CLVS1: variants seen among roughly 807,000 people sequenced by gnomAD.
CLVS1 encodes clavesin 1.
CLVS1 carries 10 observed loss-of-function variants against 33.1 expected under a neutral mutation model. The ratio of observed to expected loss-of-function variants is 0.30; its 90% CI spans 0.19 to 0.51. CLVS1 has a LOEUF of 0.51. Ranked by LOEUF, CLVS1 falls within the 20% of genes least tolerant of loss-of-function variation. The pLI is 0.97. For missense variants in CLVS1, 343 were observed against 433.4 expected, an observed-to-expected ratio of 0.79 and a Z score of 1.85; for synonymous variants, 163 against 166.1, an observed-to-expected ratio of 0.98 and a Z score of 0.14.
chr8:61,156,495 G>T (rs1022370352), intron 2 of CLVS1, among the ~76,000 whole-genome samples: 1 of 152,072 alleles, frequency 6.6e-6, no homozygotes, highest in African/African-American at 2.4e-5. Flanking sequence ...CACAGGAAAA[G>T]TCCGAACTTT....
chr8:61,415,817 A>G (rs1320027369), intron 3 of CLVS1, among the ~76,000 whole-genome samples: 1 of 152,238 alleles, frequency 6.6e-6, no homozygotes, highest in Non-Finnish European at 1.5e-5. Flanking sequence ...CAAATGGTGC[A>G]CAAGATGATC....
intron 1 of CLVS1, among the ~76,000 whole-genome samples, chr8:61,098,402 G>GATATATATATATATAT (rs59671943): frequency 6.9e-6 from 1 of 143,982 alleles, no homozygotes; most frequent in African/African-American, 2.6e-5. Flanking sequence ...TAGGGAAACT[G>GATATATATATATATAT]ATATATATAT....
At chr8:61,489,532 G>A (rs1803996551) in intron 5 of CLVS1, among the ~76,000 whole-genome samples, 2 of 152,106 alleles carry the variant, frequency 1.3e-5, no homozygotes, top group Non-Finnish European at 2.9e-5. Flanking sequence ...TGATTGATTT[G>A]TTTTTATTTT....
At chr8:61,355,989 A>T (rs1179714222) in intron 2 of CLVS1, among the ~76,000 whole-genome samples, 3 of 152,222 alleles carry the variant, frequency 2.0e-5, no homozygotes, top group African/African-American at 7.2e-5. Context: ...GAATCGCCAC[A>T]CTGACTTCCA....
At chr8:61,450,059 A>G (rs1323169045) in intron 3 of CLVS1, among the ~76,000 whole-genome samples, 2 of 152,212 alleles carry the variant, frequency 1.3e-5, no homozygotes, top group Non-Finnish European at 2.9e-5. Context: ...CCTCAAGAGG[A>G]CACCTTTTTG....
chr8:61,273,666 G>T (rs188130358), intron 2 of CLVS1, among the ~76,000 whole-genome samples: 1 of 152,194 alleles, frequency 6.6e-6, no homozygotes, highest in African/African-American at 2.4e-5. Flanking sequence ...AGGACCCTCC[G>T]AGCCAGGTGT....
At chr8:61,482,938 A>G (rs893919609) in intron 5 of CLVS1, among the ~76,000 whole-genome samples, 2 of 152,198 alleles carry the variant, frequency 1.3e-5, no homozygotes, top group Non-Finnish European at 2.9e-5. Context: ...ACACATTTAA[A>G]GCAGTGTGTA....
chr8:61,280,643 C>A (rs1409329519), intron 2 of CLVS1, among the ~76,000 whole-genome samples: 1 of 152,156 alleles, frequency 6.6e-6, no homozygotes, highest in Non-Finnish European at 1.5e-5. Flanking sequence ...TGTAAAGAAA[C>A]TAGATATACA....
At chr8:61,317,933 G>A (rs2129595979) in intron 2 of CLVS1, among the ~76,000 whole-genome samples, 1 of 152,184 alleles carries the variant, frequency 6.6e-6, no homozygotes, top group Non-Finnish European at 1.5e-5. Flanking sequence ...ATTTATCAAG[G>A]TGTTTTACCT....
At chr8:61,219,578 TTGCTATTTTAAATAG>T (rs752843265) in intron 2 of CLVS1, among the ~76,000 whole-genome samples, 8 of 152,248 alleles carry the variant, frequency 5.3e-5, no homozygotes, top group Non-Finnish European at 1.2e-4. Flanking sequence ...TTCCATGGCT[TTGCTATTTTAAATAG>T]TGCTGCAATA....
At chr8:61,104,541 A>C (rs1265356744) in intron 1 of CLVS1, among the ~76,000 whole-genome samples, 1 of 152,194 alleles carries the variant, frequency 6.6e-6, no homozygotes, top group Non-Finnish European at 1.5e-5. Context: ...AGTTTTAGTA[A>C]TCTTTAAGAA....
At chr8:61,475,118 ACATGAACT>A (rs1240364266) in intron 5 of CLVS1, among the ~76,000 whole-genome samples, 2 of 152,190 alleles carry the variant, frequency 1.3e-5, no homozygotes, top group Non-Finnish European at 2.9e-5. Flanking sequence ...CCTACAAAGG[ACATGAACT>A]CATCATTTTT....
intron 2 of CLVS1, among the ~76,000 whole-genome samples, chr8:61,215,255 A>T (rs1172402413): frequency 1.3e-5 from 2 of 152,210 alleles, no homozygotes; most frequent in African/African-American, 4.8e-5. Flanking sequence ...GCTGTATTAA[A>T]TATCCTAGCA....
At chr8:61,354,271 G>A (rs1242672985) in intron 2 of CLVS1, among the ~76,000 whole-genome samples, 6 of 151,998 alleles carry the variant, frequency 3.9e-5, no homozygotes, top group Middle Eastern at 3.4e-3. Context: ...TGAGATACAC[G>A]CCTACCAGAA....
chr8:61,009,549 T>C, the CLVS1 span, among the ~76,000 whole-genome samples: 1 of 152,168 alleles, frequency 6.6e-6, no homozygotes, highest in Non-Finnish European at 1.5e-5. Context: ...TTTTTTCATA[T>C]ATTTATTAGA....
At chr8:61,062,160 C>T (rs900971488) in intron 1 of CLVS1, among the ~76,000 whole-genome samples, 3 of 152,166 alleles carry the variant, frequency 2.0e-5, no homozygotes, top group African/African-American at 7.2e-5. Flanking sequence ...CCCTGGGATG[C>T]TACTCCATGG....
At chr8:61,411,237 G>C (rs1387232800) in intron 3 of CLVS1, among the ~76,000 whole-genome samples, 1 of 152,238 alleles carries the variant, frequency 6.6e-6, no homozygotes, top group East Asian at 1.9e-4. Context: ...AAAAGTCGTT[G>C]TTCAGGTTCC....
chr8:61,436,622 A>G (rs112850706), intron 3 of CLVS1, among the ~76,000 whole-genome samples: 2,628 of 152,260 alleles, frequency 0.017, 34 homozygotes, highest in Middle Eastern at 0.044. Context: ...ACCACCCCTC[A>G]GGTATCTGTC....
intron 2 of CLVS1, among the ~76,000 whole-genome samples, chr8:61,246,221 A>T (rs1808807459): frequency 9.0e-6 from 1 of 110,844 alleles, no homozygotes; most frequent in African/African-American, 3.6e-5. Flanking sequence ...CTCTGTCACC[A>T]GGCTGGAGTG....
Sources: gnomAD v4.1 joint callset for allele counts (sites outside exome capture counted in the v4.1 genomes callset) on GRCh38, gnomAD v4.1.1 for gene constraint, MANE v1.5 for transcripts, NCBI Gene and HGNC (gene_info 2026-07-23, HGNC 2026-07-21) for gene names.